NELL2: variants seen among roughly 807,000 people sequenced by gnomAD.
The protein encoded by NELL2 is protein kinase C-binding protein NELL2.
Under a neutral mutation model 109.6 loss-of-function variants are expected in NELL2, and 41 were observed. The observed-to-expected ratio is 0.37, with a 90% CI of 0.29 to 0.49. NELL2 has a LOEUF of 0.49. NELL2 is among the 20% of genes least tolerant of loss of function. The pLI is 0.98. For synonymous variants in NELL2, 355 were observed against 344.7 expected (o/e 1.03, Z -0.33); for missense variants, 900 against 1,008.3 (o/e 0.89, Z 1.45).
intron 15 of NELL2, among the ~76,000 whole-genome samples, chr12:44,605,038 AG>A (rs1945345949): frequency 6.6e-6 from 1 of 152,146 alleles, no homozygotes; most frequent in Admixed American, 6.6e-5. Flanking sequence ...CTAGTAAGGA[AG>A]GAAGAAAAGA....
Position 44,637,132 on chromosome 12 carries a change from T to C in NELL2, c.1445-26162A>G, listed in dbSNP as rs150126475. Among the ~76,000 whole-genome samples the C allele has an allele frequency of 2.2e-3, 336 of 152,170 alleles. 12 individuals are homozygous for C. In the East Asian group the frequency reaches 0.055, roughly 25 times the overall value. On this transcript the variant is annotated intron_variant, in intron 13 of 19. Coordinates refer to ENST00000429094, the MANE Select transcript of NELL2 (RefSeq NM_001145108.2). ...ATCATTTTTTATTGTGTCTATTTGA[T>C]TCTTCTCTCTTTTCTTCTTTATTAG...
chr12:44,721,540 T>G (rs771739124), intron 9 of NELL2, among the ~76,000 whole-genome samples: 1 of 152,238 alleles, frequency 6.6e-6, no homozygotes, highest in Non-Finnish European at 1.5e-5. Context: ...ACAGTCCTTA[T>G]GTGCATCTTT....
Position 44,522,053 on chromosome 12 carries a change from A to G in NELL2, c.2122T>C (p.Leu708=). The change falls in exon 18 of 20, where the codon TTG becomes CTG. Residue 708 remains leucine, a synonymous_variant. Coordinates refer to ENST00000429094, the MANE Select transcript of NELL2 (RefSeq NM_001145108.2). ...ACCCAGGTGTCACCACTGTTATACA[A>G]AGTTTCCCCATTTTGATGGAGGCAC... is the stretch of plus-strand genomic sequence containing the variant. ...SQCLHQNGET[L]YNSGDTWVQN... 1 of 1,614,070 alleles carries G rather than the reference A, an allele frequency of 6.2e-7. No homozygotes were observed.
chr12:44,615,049 A>G (rs1945768137), intron 13 of NELL2, among the ~76,000 whole-genome samples: 1 of 152,120 alleles, frequency 6.6e-6, no homozygotes, highest in Admixed American at 6.5e-5. Flanking sequence ...AAAAGCTTAC[A>G]GTTTAGTTGA....
chr12:44,838,489 A>C (rs1944122271), intron 2 of NELL2, among the ~76,000 whole-genome samples: 1 of 152,204 alleles, frequency 6.6e-6, no homozygotes, highest in South Asian at 2.1e-4. Context: ...CAAGTTATTT[A>C]ACCTCACTGG....
chr12:44,649,391 C>T (rs986181431), intron 13 of NELL2, among the ~76,000 whole-genome samples: 5 of 152,218 alleles, frequency 3.3e-5, no homozygotes, highest in African/African-American at 1.2e-4. Flanking sequence ...CATCAACCTG[C>T]TGCCACTTGG....
At chr12:44,592,679 A>AT (rs1218111990) in intron 15 of NELL2, among the ~76,000 whole-genome samples, 1 of 152,186 alleles carries the variant, frequency 6.6e-6, no homozygotes, top group Non-Finnish European at 1.5e-5. Context: ...ACAGAAGCCT[A>AT]TTTATTTTGA....
chr12:44,883,160 G>C (rs1453458710), intron 1 of NELL2, among the ~76,000 whole-genome samples: 1 of 151,744 alleles, frequency 6.6e-6, no homozygotes, highest in Non-Finnish European at 1.5e-5. Flanking sequence ...ACAAATTTAT[G>C]ATTTTATAAA....
chr12:44,736,228 C>T lies in NELL2; in HGVS notation c.995-21487G>A, dbSNP rs987068128. 6.6e-5 allele frequency among the ~76,000 whole-genome samples: 10 copies of T among 151,842 alleles called. 1 individual carries two copies. The highest frequency in any genetic ancestry group is 2.4e-4 in the African/African-American group (10 of 41,364). ...GTTTCACCGTGTCAGCCAGGATGGT[C>T]TCAATCTCCTGACCTCGTGATCCGC... On this transcript the variant is annotated intron_variant, in intron 9 of 19. Coordinates refer to ENST00000429094, the MANE Select transcript of NELL2 (RefSeq NM_001145108.2).
At chr12:44,579,688 CAGTT>C (rs1212796359) in intron 15 of NELL2, among the ~76,000 whole-genome samples, 13 of 152,112 alleles carry the variant, frequency 8.5e-5, no homozygotes, top group Admixed American at 6.5e-5. Flanking sequence ...GTGTCAAATA[CAGTT>C]AAACTGTTTT....
chr12:44,545,814 A>T (rs1053778993), intron 15 of NELL2, among the ~76,000 whole-genome samples: 5 of 152,154 alleles, frequency 3.3e-5, no homozygotes, highest in African/African-American at 9.6e-5. Context: ...TGCATTATTA[A>T]GTAGACTGCT....
chr12:44,844,581 C>T (rs1944319253), intron 2 of NELL2, among the ~76,000 whole-genome samples: 2 of 152,050 alleles, frequency 1.3e-5, no homozygotes, highest in Non-Finnish European at 2.9e-5. Context: ...CAAACATGCT[C>T]GAATTTTTTT....
At chr12:44,816,681 C>A (rs1943362359) in intron 2 of NELL2, among the ~76,000 whole-genome samples, 1 of 152,148 alleles carries the variant, frequency 6.6e-6, no homozygotes, top group Admixed American at 6.6e-5. Context: ...GCCTTCTGTG[C>A]AGTGGAAGAG....
rs1471153176 is a variant in NELL2 at position 44,532,597 on chromosome 12, A to T, written c.1788T>A (p.Ser596Arg). The T allele has an allele frequency of 6.2e-7, 1 of 1,613,518 alleles. No individual in the cohort carries two copies. Among genetic ancestry groups the T allele is most frequent in the East Asian group, 2.2e-5 (1 of 44,854 alleles). The change falls in exon 16 of 20, where the codon AGT becomes AGA. Residue 596 changes from serine to arginine, a missense_variant. Ser to Arg is a moderately radical substitution (Grantham distance 110). This residue lies in a region of NELL2 where 333 missense variants were observed against 432.3 expected (regional missense o/e 0.77). Transcript: ENST00000429094. ...GYHDNGMFSPSGESCEDIDEC... is the reference protein window; with the variant it reads ...GYHDNGMFSPRGESCEDIDEC... ...TGTACTGACCTTCACACGATTCTCC[A>T]CTTGGTGAAAACATCCCATTGTCAT...
In NELL2 at chr12:44,876,181, C is replaced by T. The variant is rs1252248943; in HGVS notation, c.-312G>A. The T allele has an allele frequency of 1.7e-5, 21 of 1,245,120 alleles. 1 individual carries two copies. Among genetic ancestry groups the T allele is most frequent in the Non-Finnish European group, 1.7e-5 (17 of 989,800 alleles). The allele number at this position is 1,245,120 out of a possible 1,614,324, so 77.1% of individuals were successfully genotyped here. On this transcript the variant is annotated 5_prime_UTR_variant, in exon 1 of 20. Coordinates refer to ENST00000429094, the MANE Select transcript of NELL2 (RefSeq NM_001145108.2). The stretch of plus-strand genomic sequence containing the variant: ...CGCGGCTCCGTCGGGGAATTAGCTC[C>T]CGAGCCGAATAAAAGCAGCCAAAGA...
At chr12:44,688,426 G>T (rs1592339072) in intron 12 of NELL2, among the ~76,000 whole-genome samples, 1 of 152,178 alleles carries the variant, frequency 6.6e-6, no homozygotes, top group African/African-American at 2.4e-5. Context: ...CAAGCTTAAT[G>T]ACAAACTTTT....
intron 15 of NELL2, among the ~76,000 whole-genome samples, chr12:44,549,189 T>A (rs1412006577): frequency 6.6e-6 from 1 of 152,224 alleles, no homozygotes; most frequent in Non-Finnish European, 1.5e-5. Flanking sequence ...ATAGTTATAG[T>A]ACACTAACTG....
intron 15 of NELL2, among the ~76,000 whole-genome samples, chr12:44,553,890 C>T (rs74087605): frequency 0.04 from 6,159 of 152,224 alleles, 427 homozygotes; most frequent in African/African-American, 0.14. Context: ...TGCACACACA[C>T]GCACACATCT....
At chr12:44,566,821 ATT>A (rs58233324) in intron 15 of NELL2, among the ~76,000 whole-genome samples, 3 of 146,466 alleles carry the variant, frequency 2.0e-5, no homozygotes, top group African/African-American at 2.5e-5. Context: ...TACTATATGC[ATT>A]TTTTTTTTTT....
Sources: allele counts gnomAD v4.1 joint callset (sites outside exome capture counted in the v4.1 genomes callset), GRCh38; gene constraint gnomAD v4.1.1; regional missense constraint gnomAD v4.1.1; transcripts MANE v1.5; gene names NCBI Gene and HGNC (gene_info 2026-07-23, HGNC 2026-07-21).